Variants in PTPRT observed in about 807,000 individuals in gnomAD.
PTPRT encodes protein tyrosine phosphatase receptor type T, also known as receptor-type tyrosine-protein phosphatase T.
In PTPRT, 56 loss-of-function variants were observed where a neutral mutation model predicts 176.8. That is an observed-to-expected ratio of 0.32 (90% CI 0.26 to 0.40). The LOEUF is 0.40. Ranked by LOEUF, PTPRT falls within the 10% of genes least tolerant of loss-of-function variation. The pLI is 1.00. For missense variants in PTPRT, 1,540 were observed against 1,908.2 expected, an observed-to-expected ratio of 0.81 and a Z score of 3.60; for synonymous variants, 783 against 739.0, an observed-to-expected ratio of 1.06 and a Z score of -0.96.
intron 7 of PTPRT, among the ~76,000 whole-genome samples, chr20:42,534,898 C>T (rs1254741187): frequency 4.6e-5 from 7 of 152,074 alleles, no homozygotes; most frequent in African/African-American, 9.7e-5. Context: ...AACAATGGTA[C>T]GTATTTGTTG....
At chr20:42,085,928 C>A (rs1248714269) in intron 27 of PTPRT, 75 bp from the exon 28 acceptor site, 23 of 1,431,364 alleles carry the variant, frequency 1.6e-5, no homozygotes, top group Non-Finnish European at 2.2e-5. Context: ...TATCAACAAG[C>A]TTTTCTTTTC....
intron 15 of PTPRT, among the ~76,000 whole-genome samples, chr20:42,220,236 G>A (rs2055855714): frequency 6.6e-6 from 1 of 152,090 alleles, no homozygotes; most frequent in Non-Finnish European, 1.5e-5. Context: ...AGAAATCAAA[G>A]AAGATCGAAT....
chr20:42,825,477 T>A (rs1242009402), intron 2 of PTPRT, among the ~76,000 whole-genome samples: 1 of 152,112 alleles, frequency 6.6e-6, no homozygotes, highest in African/African-American at 2.4e-5. Context: ...AAAAAAGCCA[T>A]GTAACAGGAC....
chr20:42,707,578 A>G (rs1347557959), intron 6 of PTPRT, among the ~76,000 whole-genome samples: 1 of 152,138 alleles, frequency 6.6e-6, no homozygotes, highest in Non-Finnish European at 1.5e-5. Flanking sequence ...AGGAGCTGAG[A>G]GTGGCCACCG....
At chr20:43,087,112 A>G (rs761367209) in intron 1 of PTPRT, among the ~76,000 whole-genome samples, 9 of 152,112 alleles carry the variant, frequency 5.9e-5, no homozygotes, top group Non-Finnish European at 1.2e-4. Context: ...ATTTCTGTCC[A>G]TACAGTTTTG....
chr20:43,049,192 T>A (rs1296217090), intron 1 of PTPRT, among the ~76,000 whole-genome samples: 2 of 152,236 alleles, frequency 1.3e-5, no homozygotes, highest in Non-Finnish European at 2.9e-5. Flanking sequence ...ATTGTGGAGA[T>A]TAACATTCAA....
rs187235504 is a variant in PTPRT at position 42,664,917 on chromosome 20, C to T, written c.1153+12949G>A. Among the ~76,000 whole-genome samples the T allele has an allele frequency of 1.2e-4, 18 of 152,262 alleles. No individual in the cohort carries two copies. The East Asian group carries it at 3.5e-3, about 29-fold the overall frequency. Reference sequence around the variant, plus strand: ...ATATGTAGAAAGCTGAAACTGGATCCCCTCCTTACACGCCTTACACAAAAA... The same window carrying T: ...ATATGTAGAAAGCTGAAACTGGATCTCCTCCTTACACGCCTTACACAAAAA... On this transcript the variant is annotated intron_variant, in intron 7 of 30. Transcript: ENST00000373187.
chr20:42,679,491 T>C (rs1275247184), intron 6 of PTPRT, among the ~76,000 whole-genome samples: 3 of 151,758 alleles, frequency 2.0e-5, no homozygotes, highest in African/African-American at 7.3e-5. Context: ...GCAGTAAAAA[T>C]GGCAGAACAA....
chr20:42,348,446 C>T (rs577915063), intron 11 of PTPRT, among the ~76,000 whole-genome samples: 1 of 151,714 alleles, frequency 6.6e-6, no homozygotes, highest in South Asian at 2.1e-4. Flanking sequence ...GCACACCTTT[C>T]TCCTAGGAGG....
rs555027358 is a variant in PTPRT, at chr20:42,414,836, T to C, written c.1560+33384A>G. Among the ~76,000 whole-genome samples the C allele has an allele frequency of 1.2e-4, 18 of 152,346 alleles. No individual in the cohort carries two copies. The South Asian group carries it at 3.5e-3, about 30-fold the overall frequency. On this transcript the variant is annotated intron_variant, in intron 9 of 30. Transcript: ENST00000373187. ...AATTAATCTATAAATTCAATGCAGA[T>C]AGAATATAAATCCAGTAGGATTTCT...
chr20:42,091,159 C>G (rs1429143893), intron 27 of PTPRT, among the ~76,000 whole-genome samples: 1 of 152,136 alleles, frequency 6.6e-6, no homozygotes, highest in Non-Finnish European at 1.5e-5. Flanking sequence ...CAAGTTAAAC[C>G]AAGCAAAGGT....
rs557054244 is a variant in PTPRT, at chr20:42,960,995, C to T, written c.89-75063G>A. On this transcript the variant is annotated intron_variant, in intron 1 of 30. Transcript: ENST00000373187. The stretch of plus-strand genomic sequence containing the variant: ...TTCTAAGATGATTTATTGTATGAAA[C>T]GCCATTAAATTTCAGACTATCTGTT... 1.5e-4 allele frequency among the ~76,000 whole-genome samples: 23 copies of T among 152,096 alleles called. No homozygotes were observed. In the South Asian group the frequency reaches 2.1e-3, roughly 14 times the overall value.
chr20:42,912,610 T>C (rs970035542), intron 1 of PTPRT, among the ~76,000 whole-genome samples: 4 of 152,248 alleles, frequency 2.6e-5, no homozygotes, highest in Admixed American at 2.6e-4. Context: ...CGTATCATAC[T>C]ACAGAAGAAA....
chr20:43,101,783 A>C (rs747090994), intron 1 of PTPRT, among the ~76,000 whole-genome samples: 32 of 152,292 alleles, frequency 2.1e-4, no homozygotes, highest in Non-Finnish European at 4.0e-4. Flanking sequence ...AGCCACCCAC[A>C]GTCATGGGAG....
At chr20:42,832,974 C>T (rs1347032993) in intron 2 of PTPRT, among the ~76,000 whole-genome samples, 9 of 151,862 alleles carry the variant, frequency 5.9e-5, no homozygotes, top group Admixed American at 5.9e-4. Flanking sequence ...TATGTAGTCC[C>T]AGCTACTCAG....
At chr20:42,574,685 G>T (rs981129981) in intron 7 of PTPRT, among the ~76,000 whole-genome samples, 6 of 152,110 alleles carry the variant, frequency 3.9e-5, no homozygotes, top group Non-Finnish European at 5.9e-5. Flanking sequence ...GTGGGGGTAG[G>T]GGTTGGGCGA....
chr20:42,772,595 G>A (rs1340821216), intron 4 of PTPRT, among the ~76,000 whole-genome samples: 1 of 152,148 alleles, frequency 6.6e-6, no homozygotes, highest in Non-Finnish European at 1.5e-5. Flanking sequence ...CTCTCCATTG[G>A]CTGATAAATT....
chr20:42,547,836 C>T (rs986741906), intron 7 of PTPRT, among the ~76,000 whole-genome samples: 1 of 152,070 alleles, frequency 6.6e-6, no homozygotes, highest in Non-Finnish European at 1.5e-5. Context: ...GAGAATGCCA[C>T]ACAGTCAACA....
intron 6 of PTPRT, among the ~76,000 whole-genome samples, chr20:42,712,140 G>A (rs1195020876): frequency 6.6e-6 from 1 of 152,048 alleles, no homozygotes; most frequent in Non-Finnish European, 1.5e-5. Context: ...CTGACAGCAA[G>A]AGGTATCTCA....
Sources: allele counts gnomAD v4.1 joint callset (sites outside exome capture counted in the v4.1 genomes callset), GRCh38; gene constraint gnomAD v4.1.1; transcripts MANE v1.5; gene names NCBI Gene and HGNC (gene_info 2026-07-23, HGNC 2026-07-21).